Variants in CNTN3 observed in about 807,000 individuals in gnomAD.
CNTN3 encodes the protein contactin 3.
In CNTN3, 60 loss-of-function variants were observed where a neutral mutation model predicts 119.1. That is an observed-to-expected ratio of 0.50 (90% confidence interval 0.41 to 0.62). CNTN3 has a LOEUF of 0.62. Among genes scored for constraint, CNTN3 ranks in the 20% least tolerant of loss-of-function variants. CNTN3 has a pLI of 0.00. For missense variants in CNTN3, 1,101 were observed against 1,242.4 expected, an observed-to-expected ratio of 0.89 and a Z score of 1.71; for synonymous variants, 450 against 438.7, an observed-to-expected ratio of 1.03 and a Z score of -0.32.
At chr3:74,607,961 G>C (rs978010626) in intron 1 of CNTN3, among the ~76,000 whole-genome samples, 1 of 152,176 alleles carries the variant, frequency 6.6e-6, no homozygotes, top group African/African-American at 2.4e-5. Flanking sequence ...CTAGTTAACA[G>C]TAATGTACCA....
intron 1 of CNTN3, among the ~76,000 whole-genome samples, chr3:74,565,096 A>G (rs182051710): frequency 2.1e-4 from 32 of 152,264 alleles, no homozygotes; most frequent in Non-Finnish European, 3.8e-4. Flanking sequence ...GAGAACAAGT[A>G]GTTTTCCTTT....
intron 11 of CNTN3, among the ~76,000 whole-genome samples, chr3:74,340,387 GGA>G (rs1703505239): frequency 6.6e-6 from 1 of 152,170 alleles, no homozygotes; most frequent in Admixed American, 6.5e-5. Flanking sequence ...AAACAGAGAG[GGA>G]GAGACTGAAG....
chr3:74,524,222 A>G (rs1294870461), intron 1 of CNTN3, among the ~76,000 whole-genome samples: 3 of 151,914 alleles, frequency 2.0e-5, no homozygotes, highest in Non-Finnish European at 4.4e-5. Context: ...GAAGCTCTAA[A>G]TTATTTTTGA....
intron 5 of CNTN3, among the ~76,000 whole-genome samples, chr3:74,419,614 T>A (rs1266518663): frequency 6.6e-6 from 1 of 152,190 alleles, no homozygotes; most frequent in South Asian, 2.1e-4. Context: ...TATACAAGAC[T>A]TCCATTTCAA....
At chr3:74,613,279 T>C (rs1705113196) in intron 1 of CNTN3, among the ~76,000 whole-genome samples, 1 of 152,004 alleles carries the variant, frequency 6.6e-6, no homozygotes, top group Non-Finnish European at 1.5e-5. Context: ...CTTTTTTTTT[T>C]TTTTTTTTAG....
intron 4 of CNTN3, among the ~76,000 whole-genome samples, chr3:74,468,457 T>C (rs1702503681): frequency 6.6e-6 from 1 of 152,172 alleles, no homozygotes; most frequent in South Asian, 2.1e-4. Context: ...TTCCCAGGCA[T>C]ATTATCATCG....
intron 1 of CNTN3, among the ~76,000 whole-genome samples, chr3:74,601,973 T>C (rs899988418): frequency 6.6e-6 from 1 of 151,850 alleles, no homozygotes; most frequent in Non-Finnish European, 1.5e-5. Context: ...AAAGTAACCA[T>C]ACCAGCCCAG....
chr3:74,318,851 C>A (rs999807174), intron 13 of CNTN3, among the ~76,000 whole-genome samples: 5 of 152,110 alleles, frequency 3.3e-5, no homozygotes, highest in African/African-American at 1.2e-4. Flanking sequence ...TTTCCAGCTG[C>A]ATGCTGGGAG....
intron 1 of CNTN3, among the ~76,000 whole-genome samples, chr3:74,603,395 CT>C (rs1704942842): frequency 6.6e-6 from 1 of 152,078 alleles, no homozygotes; most frequent in African/African-American, 2.4e-5. Context: ...ACAAAACTGT[CT>C]CTTCAACCTA....
intron 1 of CNTN3, among the ~76,000 whole-genome samples, chr3:74,549,123 C>T (rs544357485): frequency 1.4e-4 from 22 of 152,230 alleles, no homozygotes; most frequent in Admixed American, 1.2e-3. Context: ...CTCTGGTGGA[C>T]GGTGATTGGA....
intron 4 of CNTN3, among the ~76,000 whole-genome samples, chr3:74,436,660 A>G (rs550608192): frequency 1.3e-5 from 2 of 152,248 alleles, no homozygotes; most frequent in Non-Finnish European, 2.9e-5. Context: ...AAGGCTTTTG[A>G]AAAGCTCAAT....
intron 4 of CNTN3, among the ~76,000 whole-genome samples, chr3:74,449,413 T>A (rs1250551298): frequency 1.3e-5 from 2 of 150,540 alleles, no homozygotes; most frequent in South Asian, 2.1e-4. Flanking sequence ...TCAAAAAAAA[T>A]GGCAATTGTT....
Position 74,576,110 on chromosome 3 carries a change from C to T in CNTN3, c.-81+38281G>A, listed in dbSNP as rs79729134. The stretch of plus-strand genomic sequence containing the variant: ...CTCCTAATGTGAAGACCCCTTCTCC[C>T]GCCTCTTTTGGCCTCATTCCCCTCC... On this transcript the variant is annotated intron_variant, in intron 1 of 22. Coordinates refer to ENST00000263665, the MANE Select transcript of CNTN3 (RefSeq NM_020872.3). 8.5e-3 allele frequency among the ~76,000 whole-genome samples: 1,291 copies of T among 152,158 alleles called. 16 individuals carry two copies. The highest frequency in any genetic ancestry group is 0.029 in the African/African-American group (1,210 of 41,510).
chr3:74,530,972 C>A (rs1703685414), intron 1 of CNTN3, among the ~76,000 whole-genome samples: 1 of 151,962 alleles, frequency 6.6e-6, no homozygotes, highest in South Asian at 2.1e-4. Flanking sequence ...TAAGCCACTG[C>A]AACAGGATCC....
rs185500653 is a variant in CNTN3 at position 74,467,335 on chromosome 3, G to A, written c.358+19121C>T. On this transcript the variant is annotated intron_variant, in intron 4 of 22. Coordinates refer to ENST00000263665, the MANE Select transcript of CNTN3 (RefSeq NM_020872.3). ...TATCAAAGCTATTTGATTTGAAGTC[G>A]TAACTCCAAATCTAACAAAAATGGT... Among the ~76,000 whole-genome samples, 309 of 152,158 alleles carry A rather than the reference G, an allele frequency of 2.0e-3. 2 individuals are homozygous for A. Among genetic ancestry groups the A allele is most frequent in the Non-Finnish European group, 4.6e-4 (31 of 67,988 alleles).
chr3:74,461,735 A>G (rs1416430897), intron 4 of CNTN3, among the ~76,000 whole-genome samples: 1 of 152,090 alleles, frequency 6.6e-6, no homozygotes, highest in African/African-American at 2.4e-5. Flanking sequence ...TTGACAAAAA[A>G]TTGAGGAACT....
At chr3:74,332,616 T>C (rs747700518) in intron 13 of CNTN3, among the ~76,000 whole-genome samples, 2 of 152,254 alleles carry the variant, frequency 1.3e-5, no homozygotes, top group Non-Finnish European at 2.9e-5. Context: ...AGTGTTTCTT[T>C]GTAACTGTTT....
chr3:74,469,762 G>A (rs1020338203), intron 4 of CNTN3, among the ~76,000 whole-genome samples: 7 of 152,098 alleles, frequency 4.6e-5, no homozygotes, highest in Admixed American at 2.6e-4. Flanking sequence ...AATGTAAATC[G>A]GTGCGGTGAC....
intron 1 of CNTN3, among the ~76,000 whole-genome samples, chr3:74,549,119 T>C (rs1355472264): frequency 6.6e-6 from 1 of 152,190 alleles, no homozygotes; most frequent in Non-Finnish European, 1.5e-5. Context: ...GAGGCTCTGG[T>C]GGACGGTGAT....
Sources: gnomAD v4.1 joint callset for allele counts (sites outside exome capture counted in the v4.1 genomes callset) on GRCh38, gnomAD v4.1.1 for gene constraint, MANE v1.5 for transcripts, NCBI Gene and HGNC (gene_info 2026-07-23, HGNC 2026-07-21) for gene names.